CCL28: variants seen among roughly 807,000 people sequenced by gnomAD.
CCL28 encodes C-C motif chemokine 28.
In CCL28, 4 loss-of-function variants were observed where a neutral mutation model predicts 7.1. The observed-to-expected ratio is 0.56, with a 90% CI of 0.28 to 1.29. The LOEUF is 1.29. Ranked by LOEUF, CCL28 falls within the 50% of genes most tolerant of loss-of-function variation. CCL28 has a pLI of 0.11. For synonymous variants in CCL28, 55 were observed against 57.8 expected, an observed-to-expected ratio of 0.95 and a Z score of 0.22; for missense variants, 151 against 163.4, an observed-to-expected ratio of 0.92 and a Z score of 0.41.
chr5:43,364,946 G>A, the CCL28 span, among the ~76,000 whole-genome samples: 10 of 150,092 alleles, frequency 6.7e-5, no homozygotes, highest in African/African-American at 2.2e-4. Context: ...TTGAGCCTAT[G>A]TGTGTCTCTG....
intron 1 of CCL28, among the ~76,000 whole-genome samples, chr5:43,390,456 C>G (rs1740527047): frequency 6.6e-6 from 1 of 152,234 alleles, no homozygotes; most frequent in African/African-American, 2.4e-5. Context: ...CCAACTGCCT[C>G]CCTAACCCCT....
At chr5:43,402,045 T>C (rs1741060563) in intron 1 of CCL28, among the ~76,000 whole-genome samples, 1 of 152,166 alleles carries the variant, frequency 6.6e-6, no homozygotes, top group African/African-American at 2.4e-5. Context: ...TCCAGTGAGA[T>C]GCTTCCCTGT....
intron 1 of CCL28, among the ~76,000 whole-genome samples, chr5:43,389,477 G>A (rs1410086085): frequency 6.6e-6 from 1 of 152,166 alleles, no homozygotes; most frequent in Non-Finnish European, 1.5e-5. Flanking sequence ...AGACCCTGAA[G>A]GTAGAAAGAT....
chr5:43,391,357 A>C (rs1561159811), intron 1 of CCL28, among the ~76,000 whole-genome samples: 1 of 152,238 alleles, frequency 6.6e-6, no homozygotes, highest in Non-Finnish European at 1.5e-5. Flanking sequence ...ATGACATGAA[A>C]AGTATTTTGA....
intron 1 of CCL28, among the ~76,000 whole-genome samples, chr5:43,389,401 G>C (rs757149502): frequency 6.7e-6 from 1 of 148,600 alleles, no homozygotes; most frequent in Non-Finnish European, 1.5e-5. Flanking sequence ...TCCTGAACAA[G>C]GTATTGGATT....
At chr5:43,362,036 G>C in the CCL28 span, among the ~76,000 whole-genome samples, 3 of 152,078 alleles carry the variant, frequency 2.0e-5, no homozygotes, top group Admixed American at 6.5e-5. Context: ...TGTGAAGAAT[G>C]TCATTGGTAG....
the CCL28 span, among the ~76,000 whole-genome samples, chr5:43,363,355 T>A: frequency 1.3e-5 from 2 of 152,204 alleles, no homozygotes; most frequent in Non-Finnish European, 2.9e-5. Context: ...TAGACATGGC[T>A]CTGCCCTCAC....
At chr5:43,400,254 A>G (rs534056914) in intron 1 of CCL28, among the ~76,000 whole-genome samples, 6 of 152,280 alleles carry the variant, frequency 3.9e-5, no homozygotes, top group South Asian at 4.1e-4. Flanking sequence ...GGTTCTGTCT[A>G]TGATACAGTT....
At chr5:43,377,750 T>TTTTTTTTTG (rs1561151422), downstream of CCL28, among the ~76,000 whole-genome samples, 2 of 126,734 alleles carry the variant, frequency 1.6e-5, no homozygotes, top group Non-Finnish European at 3.3e-5. Flanking sequence ...TTTTTTTTTT[T>TTTTTTTTTG]GAGACGGAGT....
intron 2 of CCL28, among the ~76,000 whole-genome samples, chr5:43,387,436 TACAA>T (rs955479210): frequency 5.9e-5 from 9 of 152,178 alleles, no homozygotes; most frequent in Admixed American, 5.9e-4. Flanking sequence ...TAAGTACATA[TACAA>T]ACAAAGCTTT....
the CCL28 span, among the ~76,000 whole-genome samples, chr5:43,364,586 G>C: frequency 6.6e-6 from 1 of 151,852 alleles, no homozygotes; most frequent in African/African-American, 2.4e-5. Flanking sequence ...TTTTATCATA[G>C]AATGTAATTA....
intron 1 of CCL28, among the ~76,000 whole-genome samples, chr5:43,403,558 G>GA (rs1741133722): frequency 6.6e-6 from 1 of 152,132 alleles, no homozygotes; most frequent in Non-Finnish European, 1.5e-5. Flanking sequence ...CAAAAATGGA[G>GA]AAAAAACAGA....
chr5:43,360,436 A>G, the CCL28 span, among the ~76,000 whole-genome samples: 2 of 152,026 alleles, frequency 1.3e-5, no homozygotes, highest in South Asian at 2.1e-4. Flanking sequence ...CTCCACCCTC[A>G]GGTAGGCCCC....
chr5:43,382,721 A>C (rs1740171004), intron 2 of CCL28, among the ~76,000 whole-genome samples: 1 of 146,882 alleles, frequency 6.8e-6, no homozygotes. Flanking sequence ...AAATTAACAA[A>C]ACAAAACTAA....
chr5:43,387,069 A>C (rs768180559), intron 2 of CCL28, among the ~76,000 whole-genome samples: 4 of 152,232 alleles, frequency 2.6e-5, no homozygotes, highest in Non-Finnish European at 5.9e-5. Flanking sequence ...CAAAGAAAGG[A>C]GCACCAAATG....
chr5:43,405,397 C>T (rs1307845545), intron 1 of CCL28, among the ~76,000 whole-genome samples: 1 of 152,210 alleles, frequency 6.6e-6, no homozygotes, highest in Non-Finnish European at 1.5e-5. Context: ...TGAATGACTA[C>T]TGGGTACATA....
At chr5:43,361,935 C>G in the CCL28 span, among the ~76,000 whole-genome samples, 1 of 110,462 alleles carries the variant, frequency 9.1e-6, no homozygotes, top group Non-Finnish European at 1.9e-5. Context: ...TAAAGTGATG[C>G]CTCCAGCTTT....
chr5:43,363,050 G>T, the CCL28 span, among the ~76,000 whole-genome samples: 1 of 152,168 alleles, frequency 6.6e-6, no homozygotes, highest in Non-Finnish European at 1.5e-5. Flanking sequence ...TTGCAAATCA[G>T]TTTACCTTTA....
chr5:43,402,560 G>A (rs557789094), intron 1 of CCL28, among the ~76,000 whole-genome samples: 59 of 152,254 alleles, frequency 3.9e-4, no homozygotes, highest in Middle Eastern at 3.4e-3. Context: ...CAAGATGGCC[G>A]AATAGGAACA....
Sources: allele counts gnomAD v4.1 joint callset (sites outside exome capture counted in the v4.1 genomes callset), GRCh38; gene constraint gnomAD v4.1.1; transcripts MANE v1.5; gene names NCBI Gene and HGNC (gene_info 2026-07-23, HGNC 2026-07-21).